The following DHPS variants were observed in gnomAD, a reference collection of about 807,000 sequenced individuals.
The protein encoded by DHPS is deoxyhypusine synthase.
DHPS carries 24 observed loss-of-function variants against 38.7 expected under a neutral mutation model. The ratio of observed to expected loss-of-function variants is 0.62; its 90% CI spans 0.45 to 0.87. DHPS has a LOEUF of 0.87. DHPS is among the 40% of genes least tolerant of loss of function. The pLI, the probability that DHPS is intolerant of heterozygous loss-of-function variation, is 0.00. For missense variants in DHPS, 510 were observed against 497.6 expected (o/e 1.02, Z -0.24); for synonymous variants, 250 against 204.4 (o/e 1.22, Z -1.90).
chr19:12,679,383 C>T (rs2024722349), intron 5 of DHPS, 74 bp downstream of exon 5: 3 of 1,366,766 alleles, frequency 2.2e-6, no homozygotes, highest in Non-Finnish European at 3.1e-6. Context: ...TACTGAATCC[C>T]CAGGAGGCTG....
chr19:12,673,843 G>T (rs1440210064), downstream of DHPS, among the ~76,000 whole-genome samples: 1 of 151,854 alleles, frequency 6.6e-6, no homozygotes, highest in Non-Finnish European at 1.5e-5. Context: ...GGGATTACAG[G>T]CCCCTACCAC....
intron 5 of DHPS, among the ~76,000 whole-genome samples, chr19:12,677,964 A>C (rs2024673530): frequency 6.7e-6 from 1 of 149,858 alleles, no homozygotes; most frequent in South Asian, 2.2e-4. Context: ...TTAAAGAGCC[A>C]GCTTGTGGCC....
downstream of DHPS, among the ~76,000 whole-genome samples, chr19:12,674,985 G>T (rs1220225571): frequency 6.6e-6 from 1 of 152,010 alleles, no homozygotes; most frequent in East Asian, 1.9e-4. Context: ...ATGGTAGCGC[G>T]TGCCTGTAAT....
rs763848755 is a variant in DHPS, at chr19:12,677,101, C to T, written c.888+7G>A. On this transcript the variant is annotated splice_region_variant and intron_variant, in intron 7 of 8. Transcript: ENST00000210060. The stretch of plus-strand genomic sequence containing the variant: ...GCAGAGTGGGCCGAAGCGCCACCCC[C>T]ACTCACCATGAGGTTGGCATTGGCA... 1 of 1,613,820 alleles carries T rather than the reference C, an allele frequency of 6.2e-7. No homozygotes were observed. The highest frequency in any genetic ancestry group is 8.5e-7 in the Non-Finnish European group (1 of 1,179,726).
chr19:12,676,484 T>C, intron 7 of DHPS: 1 of 261,510 alleles, frequency 3.8e-6, no homozygotes, highest in Non-Finnish European at 7.5e-6. Context: ...ACTGGAGTTC[T>C]CACTCACCTG....
chr19:12,678,678 AGAATCACTT>A (rs945294279), intron 5 of DHPS, among the ~76,000 whole-genome samples: 9 of 144,558 alleles, frequency 6.2e-5, no homozygotes, highest in African/African-American at 2.3e-4. Flanking sequence ...GTGAGGCGGG[AGAATCACTT>A]GAACCTGGGA....
downstream of DHPS, chr19:12,675,410 G>C: frequency 6.9e-7 from 1 of 1,452,998 alleles, no homozygotes; most frequent in Non-Finnish European, 9.2e-7. Context: ...CTGAAGGTCG[G>C]GGAGAGGTGA....
Position 12,681,805 on chromosome 19 carries a change from GCCGGGCTTACGGCGGCCCA to G in DHPS, c.-58_-40del, listed in dbSNP as rs1248266668. ...GCTCTCGAGTCAAAGCTGCCCCTAGGCCGGGCTTACGGCGGCCCAGAAACGCGTTAAACCCCGACGCGCG... is the reference window on the plus strand; with the variant it reads ...GCTCTCGAGTCAAAGCTGCCCCTAGGGAAACGCGTTAAACCCCGACGCGCG... On this transcript the variant is annotated 5_prime_UTR_variant, in exon 1 of 9. Coordinates refer to ENST00000210060, the MANE Select transcript of DHPS (RefSeq NM_001930.4). 1 of 1,580,394 alleles carries G rather than the reference GCCGGGCTTACGGCGGCCCA, an allele frequency of 6.3e-7. No homozygotes were observed. Among genetic ancestry groups the G allele is most frequent in the Non-Finnish European group, 8.6e-7 (1 of 1,164,452 alleles).
At chr19:12,673,035 G>A (rs752935158), downstream of DHPS, 29 of 1,610,820 alleles carry the variant, frequency 1.8e-5, no homozygotes, top group South Asian at 1.4e-4. Context: ...TGCTTCAGCC[G>A]GGATGGGCAG....
chr19:12,681,455 TAA>T (rs1371125658), intron 1 of DHPS, 103 bp downstream of exon 1: 1 of 1,343,820 alleles, frequency 7.4e-7, no homozygotes, highest in African/African-American at 1.5e-5. Context: ...GCAACTCAAA[TAA>T]AAGACATATC....
rs1252870301 is a variant in DHPS, at chr19:12,680,155, C to A, written c.372+6G>T. On this transcript the variant is annotated splice_donor_region_variant and intron_variant, in intron 2 of 8. Transcript: ENST00000210060. The stretch of plus-strand genomic sequence containing the variant: ...GGCCAAGGCCACGGCCTCACCAGGT[C>A]CCCACCATGTTGTGCTGCACAAGGT... The A allele has an allele frequency of 6.2e-7, 1 of 1,613,766 alleles. No individual in the cohort carries two copies. Among genetic ancestry groups the A allele is most frequent in the African/African-American group, 1.3e-5 (1 of 74,920 alleles).
intron 1 of DHPS, 196 bp downstream of exon 1, chr19:12,681,364 T>C: frequency 5.1e-6 from 5 of 981,890 alleles, no homozygotes; most frequent in Non-Finnish European, 7.3e-6. Flanking sequence ...CGTACCAGCA[T>C]GTAACTACCA....
chr19:12,676,305 A>C, intron 7 of DHPS, 163 bp from the exon 8 acceptor site: 1 of 912,448 alleles, frequency 1.1e-6, no homozygotes, highest in Non-Finnish European at 1.6e-6. Context: ...GTCTGGGGTC[A>C]CTAGAGCTGC....
At position 12,676,030 on chromosome 19, in the gene DHPS, G is replaced by A. The variant is rs2024572974; in HGVS notation, c.1001C>T (p.Ala334Val). ...GCCAGCGCTTACCTTGACGGGCTGTGCATCCACCCGGATCTTGCCCCAGGA... is the reference window on the plus strand; with the variant it reads ...GCCAGCGCTTACCTTGACGGGCTGTACATCCACCCGGATCTTGCCCCAGGA... ...AVSWGKIRVDAQPVKVYADAS... is the reference protein window; with the variant it reads ...AVSWGKIRVDVQPVKVYADAS... Residue 334 changes from alanine (A) to valine (V), a missense_variant, in exon 8 of 9, where the codon GCA (alanine) becomes GTA (valine). Transcript: ENST00000210060. 6.2e-7 allele frequency: 1 copy of A among 1,613,890 alleles called. No individual in the cohort carries two copies. The highest frequency in any genetic ancestry group is 8.5e-7 in the Non-Finnish European group (1 of 1,179,952).
downstream of DHPS, among the ~76,000 whole-genome samples, chr19:12,673,704 C>G (rs111376087): frequency 6.6e-6 from 1 of 151,902 alleles, no homozygotes; most frequent in South Asian, 2.1e-4. Context: ...GCGTAAGCCA[C>G]CACACCCGGC....
chr19:12,675,939 T>C lies in DHPS; in HGVS notation c.1015-6A>G. On this transcript the variant is annotated splice_polypyrimidine_tract_variant and splice_region_variant and intron_variant, in intron 8 of 8. Coordinates refer to ENST00000210060, the MANE Select transcript of DHPS (RefSeq NM_001930.4). ...AGGGAGGCGTCAGCATAGACCTGGGTAGGGGGGAACCTGGGTAAGCCATGG... is the reference window on the plus strand; with the variant it reads ...AGGGAGGCGTCAGCATAGACCTGGGCAGGGGGGAACCTGGGTAAGCCATGG... The C allele has an allele frequency of 1.2e-6, 2 of 1,603,768 alleles. No individual in the cohort carries two copies. The highest frequency in any genetic ancestry group is 1.7e-6 in the Non-Finnish European group (2 of 1,174,176).
intron 5 of DHPS, among the ~76,000 whole-genome samples, chr19:12,677,877 G>A (rs1415575256): frequency 2.0e-5 from 3 of 151,626 alleles, no homozygotes. Context: ...CCTGACTTCA[G>A]GTGATCCACC....
At chr19:12,673,408 A>ATTTTTTTTTTTTTTTTTTT, downstream of DHPS, 1 of 265,056 alleles carries the variant, frequency 3.8e-6, no homozygotes, top group Non-Finnish European at 7.2e-6. Flanking sequence ...GAAGGCTAGG[A>ATTTTTTTTTTTTTTTTTTT]TCTTTTTTTT....
rs75392871 is a variant in DHPS at position 12,677,225 on chromosome 19, G to A, written c.785-14C>T. 53 of 1,614,044 alleles carry A rather than the reference G, an allele frequency of 3.3e-5. No individual in the cohort carries two copies. In the East Asian group the frequency reaches 3.8e-4, roughly 12 times the overall value. On this transcript the variant is annotated splice_polypyrimidine_tract_variant and intron_variant, in intron 6 of 8. Coordinates refer to ENST00000210060, the MANE Select transcript of DHPS (RefSeq NM_001930.4). ...TGAGCCTCAGGTCTGGGGGAAGAGC[G>A]CCGAAGTCAGGCCTTGGACTCAGCC... is the stretch of plus-strand genomic sequence containing the variant.
Sources: gnomAD v4.1 joint callset for allele counts (sites outside exome capture counted in the v4.1 genomes callset) on GRCh38, gnomAD v4.1.1 for gene constraint, MANE v1.5 for transcripts, NCBI Gene and HGNC (gene_info 2026-07-23, HGNC 2026-07-21) for gene names.